Variants in MGLL observed in about 807,000 individuals in gnomAD.
MGLL encodes monoglyceride lipase, also known as lysophospholipase homolog.
In MGLL, 7 loss-of-function variants were observed where a neutral mutation model predicts 29.1. That is an observed-to-expected ratio of 0.24 (90% confidence interval 0.14 to 0.45). The LOEUF is 0.45. MGLL is among the 20% of genes least tolerant of loss of function. MGLL has a pLI of 0.99. For missense variants in MGLL, 356 were observed against 413.6 expected (o/e 0.86, Z 1.21); for synonymous variants, 148 against 168.3 (o/e 0.88, Z 0.93).
intron 2 of MGLL, among the ~76,000 whole-genome samples, chr3:127,789,611 T>A (rs35185550): frequency 0.082 from 12,383 of 151,754 alleles, 702 homozygotes; most frequent in South Asian, 0.14. Context: ...GGTGGGAGGA[T>A]CACTTGAGCC....
intron 2 of MGLL, among the ~76,000 whole-genome samples, chr3:127,813,617 G>T (rs1317992856): frequency 6.6e-6 from 1 of 152,174 alleles, no homozygotes; most frequent in Admixed American, 6.5e-5. Context: ...TCAGGAGGCT[G>T]CCCTGCAGCC....
intron 3 of MGLL, among the ~76,000 whole-genome samples, chr3:127,767,569 T>A (rs934518863): frequency 6.6e-6 from 1 of 152,220 alleles, no homozygotes; most frequent in African/African-American, 2.4e-5. Context: ...TGAATCTTTT[T>A]TGAATGAGTG....
At chr3:127,720,550 T>C (rs898004491) in intron 5 of MGLL, among the ~76,000 whole-genome samples, 1 of 152,180 alleles carries the variant, frequency 6.6e-6, no homozygotes. Flanking sequence ...ATCATTCCTA[T>C]GGGTCATTCC....
chr3:127,710,487 G>T, intron 6 of MGLL, 89 bp downstream of exon 6: 1 of 1,164,106 alleles, frequency 8.6e-7, no homozygotes, highest in Non-Finnish European at 1.3e-6. Flanking sequence ...TGAAAGGGCA[G>T]CAGAGAATGC....
intron 3 of MGLL, among the ~76,000 whole-genome samples, chr3:127,774,854 T>G (rs2077007134): frequency 6.6e-6 from 1 of 152,302 alleles, no homozygotes; most frequent in Non-Finnish European, 1.5e-5. Context: ...CACTGGAGTT[T>G]CAGACCCTGC....
intron 2 of MGLL, among the ~76,000 whole-genome samples, chr3:127,792,618 A>G (rs7615518): frequency 0.29 from 43,584 of 151,850 alleles, 7,986 homozygotes; most frequent in African/African-American, 0.51. Flanking sequence ...CAGGAGAATC[A>G]CTTGAACCCG....
chr3:127,776,878 G>T (rs1164215312), intron 3 of MGLL, among the ~76,000 whole-genome samples: 1 of 152,148 alleles, frequency 6.6e-6, no homozygotes, highest in African/African-American at 2.4e-5. Flanking sequence ...ACTATGCTAT[G>T]CAAAGATGAT....
chr3:127,721,537 G>A (rs1390740717), intron 4 of MGLL, among the ~76,000 whole-genome samples: 3 of 143,116 alleles, frequency 2.1e-5, no homozygotes, highest in African/African-American at 5.1e-5. Flanking sequence ...TTTTGGTGGG[G>A]GGTAATCTGA....
Position 127,758,779 on chromosome 3 carries a change from G to A in MGLL, c.262+23010C>T, listed in dbSNP as rs1377079051. On this transcript the variant is annotated intron_variant, in intron 3 of 7. Coordinates refer to ENST00000265052, the MANE Select transcript of MGLL (RefSeq NM_007283.7). ...GGGTCGATTTTTCATATCATGACAA[G>A]CAATTGCTAGGGAGAAAAATATCAT... 2.0e-5 allele frequency among the ~76,000 whole-genome samples: 3 copies of A among 152,138 alleles called. No individual in the cohort carries two copies. In the East Asian group the frequency reaches 5.8e-4, roughly 29 times the overall value.
chr3:127,716,668 A>G (rs969906547), intron 5 of MGLL, among the ~76,000 whole-genome samples: 9 of 152,228 alleles, frequency 5.9e-5, no homozygotes, highest in African/African-American at 2.2e-4. Flanking sequence ...CCCTGTGATC[A>G]TTTCTAAGTG....
At chr3:127,696,988 C>A (rs1350959216) in intron 6 of MGLL, among the ~76,000 whole-genome samples, 1 of 152,124 alleles carries the variant, frequency 6.6e-6, no homozygotes, top group East Asian at 1.9e-4. Flanking sequence ...CTGCAGTCAC[C>A]CCTGCCATCC....
chr3:127,717,140 A>G (rs2075831753), intron 5 of MGLL, among the ~76,000 whole-genome samples: 1 of 152,192 alleles, frequency 6.6e-6, no homozygotes, highest in South Asian at 2.1e-4. Context: ...TGCTGCCCAA[A>G]GGGCCAGTGC....
upstream of MGLL, chr3:127,822,864 G>T: frequency 6.2e-6 from 1 of 161,794 alleles, no homozygotes; most frequent in South Asian, 1.7e-4. Flanking sequence ...TGGAGTTGAT[G>T]GGGACAAGTT....
intron 2 of MGLL, among the ~76,000 whole-genome samples, chr3:127,806,821 G>A (rs2077575112): frequency 6.6e-6 from 1 of 152,156 alleles, no homozygotes; most frequent in African/African-American, 2.4e-5. Flanking sequence ...GAGCTCAGGA[G>A]TTCGAGACCA....
At position 127,822,300 on chromosome 3, in the gene MGLL, A is replaced by C. The variant is rs754964053; in HGVS notation, c.10+9T>G. The C allele has an allele frequency of 6.2e-7, 1 of 1,612,862 alleles. No homozygotes were observed. Among genetic ancestry groups the C allele is most frequent in the South Asian group, 1.1e-5 (1 of 91,082 alleles). ...CTCCCATCTGAAATTCCAAGGATAC[A>C]TGACAAACCTGTTTCCATTATGTGC... is the stretch of plus-strand genomic sequence containing the variant. On this transcript the variant is annotated intron_variant, in intron 1 of 7. Transcript: ENST00000265052.
At chr3:127,779,225 G>A (rs924629019) in intron 3 of MGLL, among the ~76,000 whole-genome samples, 1 of 152,100 alleles carries the variant, frequency 6.6e-6, no homozygotes, top group Non-Finnish European at 1.5e-5. Flanking sequence ...AAATTAGCCG[G>A]GCATAGTGGC....
At chr3:127,803,782 G>C (rs943256322) in intron 2 of MGLL, among the ~76,000 whole-genome samples, 1 of 152,156 alleles carries the variant, frequency 6.6e-6, no homozygotes, top group African/African-American at 2.4e-5. Context: ...CCGTGTACCA[G>C]GAAAACATTA....
In MGLL at chr3:127,781,834, G is replaced by A. The variant is rs200168855; in HGVS notation, c.217C>T (p.Arg73Trp). The A allele has an allele frequency of 4.0e-5, 64 of 1,614,074 alleles. No individual in the cohort carries two copies. In the Admixed American group the frequency reaches 7.7e-4, roughly 19 times the overall value. ...EHSGRYEELA[R>W]MLMGLDLLVF... ...AGCAGGTCCAGCCCCATCAGCATCC[G>A]AGCCAGCTCTTCATAGCGGCCACTG... Residue 73 changes from arginine (R) to tryptophan (W), a missense_variant, in exon 3 of 8, where the codon CGG (arginine) becomes TGG (tryptophan). By Grantham distance (101) the Arg-to-Trp change is moderately radical. Transcript: ENST00000265052.
intron 2 of MGLL, among the ~76,000 whole-genome samples, chr3:127,798,386 G>A (rs990065399): frequency 6.6e-6 from 1 of 152,148 alleles, no homozygotes; most frequent in African/African-American, 2.4e-5. Flanking sequence ...TTTGCTCTGA[G>A]TCACAGTCCT....
Sources: gnomAD v4.1 joint callset for allele counts (sites outside exome capture counted in the v4.1 genomes callset) on GRCh38, gnomAD v4.1.1 for gene constraint, MANE v1.5 for transcripts, NCBI Gene and HGNC (gene_info 2026-07-23, HGNC 2026-07-21) for gene names.